Variants in KCNH8 observed in about 807,000 individuals in gnomAD.
KCNH8 encodes the protein voltage-gated delayed rectifier potassium channel KCNH8.
Under a neutral mutation model 103.6 loss-of-function variants are expected in KCNH8, and 70 were observed. That is an observed-to-expected ratio of 0.68 (90% CI 0.56 to 0.82). KCNH8 has a LOEUF of 0.82. Ranked by LOEUF, KCNH8 falls within the 40% of genes least tolerant of loss-of-function variation. The pLI, the probability that KCNH8 is intolerant of heterozygous loss-of-function variation, is 0.00. For missense variants in KCNH8, 1,217 were observed against 1,329.9 expected (o/e 0.92, Z 1.32); for synonymous variants, 498 against 489.4 (o/e 1.02, Z -0.23).
At chr3:19,155,439 A>G (rs2063171613) in intron 1 of KCNH8, among the ~76,000 whole-genome samples, 1 of 151,992 alleles carries the variant, frequency 6.6e-6, no homozygotes, top group South Asian at 2.1e-4. Flanking sequence ...TTCTACTCCC[A>G]CTTGTTCAGT....
intron 7 of KCNH8, among the ~76,000 whole-genome samples, chr3:19,407,598 T>A (rs1421089987): frequency 6.6e-6 from 1 of 152,000 alleles, no homozygotes; most frequent in African/African-American, 2.4e-5. Context: ...ACTTGTCTGA[T>A]TCAACAGCCC....
chr3:19,377,572 G>A (rs2066227608), intron 5 of KCNH8, among the ~76,000 whole-genome samples: 1 of 152,182 alleles, frequency 6.6e-6, no homozygotes, highest in Non-Finnish European at 1.5e-5. Context: ...ATACAGAGGT[G>A]ACCTCAACGG....
chr3:19,262,898 T>C (rs1174013680), intron 2 of KCNH8, among the ~76,000 whole-genome samples: 2 of 151,988 alleles, frequency 1.3e-5, no homozygotes, highest in African/African-American at 4.8e-5. Flanking sequence ...CAAAACAAAA[T>C]TATCTTCTCA....
chr3:19,380,370 A>G (rs1052394295), intron 5 of KCNH8, among the ~76,000 whole-genome samples: 1 of 152,144 alleles, frequency 6.6e-6, no homozygotes, highest in African/African-American at 2.4e-5. Flanking sequence ...TTACTTCCTG[A>G]GGCACATTTT....
At chr3:19,215,340 T>A (rs58432712) in intron 1 of KCNH8, among the ~76,000 whole-genome samples, 5,911 of 152,240 alleles carry the variant, frequency 0.039, 409 homozygotes, top group African/African-American at 0.13. Flanking sequence ...ACACTAGCAC[T>A]TATTGGGGAA....
intron 11 of KCNH8, among the ~76,000 whole-genome samples, chr3:19,457,702 T>C (rs1010656544): frequency 2.6e-5 from 4 of 151,986 alleles, no homozygotes; most frequent in African/African-American, 7.2e-5. Flanking sequence ...CTTTATATGC[T>C]GTCTTGAGCT....
At chr3:19,318,513 A>C (rs961698157) in intron 3 of KCNH8, among the ~76,000 whole-genome samples, 6 of 151,718 alleles carry the variant, frequency 4.0e-5, no homozygotes, top group African/African-American at 1.2e-4. Flanking sequence ...TTATGAGTAA[A>C]AACATACAAT....
rs1482326341 is a variant in KCNH8, at chr3:19,363,581, TCTC to T, written c.811+15620_811+15622del. Among the ~76,000 whole-genome samples the T allele has an allele frequency of 5.9e-5, 9 of 152,260 alleles. No homozygotes were observed. In the South Asian group the frequency reaches 6.2e-4, roughly 11 times the overall value. ...TTGCTTCAAAAAACTTTTCTCCAAA[TCTC>T]CTCTTTATTGTGCATAACCTATATA... is the stretch of plus-strand genomic sequence containing the variant. On this transcript the variant is annotated intron_variant, in intron 5 of 15. Transcript: ENST00000328405.
intron 3 of KCNH8, among the ~76,000 whole-genome samples, chr3:19,290,209 C>G (rs2064898280): frequency 6.6e-6 from 1 of 152,060 alleles, no homozygotes; most frequent in Non-Finnish European, 1.5e-5. Context: ...CAATTTGACT[C>G]CCTTTTTCCT....
At chr3:19,238,561 A>T (rs1288179113) in intron 1 of KCNH8, among the ~76,000 whole-genome samples, 1 of 152,218 alleles carries the variant, frequency 6.6e-6, no homozygotes. Context: ...CATGCTGAGG[A>T]AATACATTTT....
rs574926395 is a variant in KCNH8, at chr3:19,158,719, T to G, written c.76+9924T>G. On this transcript the variant is annotated intron_variant, in intron 1 of 15. Coordinates refer to ENST00000328405, the MANE Select transcript of KCNH8 (RefSeq NM_144633.3). ...TTCTAATTCAATCATGTTTGTTTAC[T>G]TGAAGGAAATTAACTTCTATATGTT... 9.9e-3 allele frequency among the ~76,000 whole-genome samples: 1,507 copies of G among 152,058 alleles called. 27 individuals are homozygous for G. Among genetic ancestry groups the G allele is most frequent in the African/African-American group, 0.034 (1,395 of 41,554 alleles).
At chr3:19,235,262 G>A (rs1032041489) in intron 1 of KCNH8, among the ~76,000 whole-genome samples, 1 of 152,132 alleles carries the variant, frequency 6.6e-6, no homozygotes, top group Non-Finnish European at 1.5e-5. Flanking sequence ...AAGTTCATCG[G>A]GAGGGGGTAA....
Position 19,450,088 on chromosome 3 carries a change from CTG to C in KCNH8, c.1376-14_1376-13del. On this transcript the variant is annotated splice_polypyrimidine_tract_variant and intron_variant, in intron 8 of 15. Transcript: ENST00000328405. The stretch of plus-strand genomic sequence containing the variant: ...TGTCACATTTCTCTTCCATTATATA[CTG>C]TGTTGTTCTTTCTAGCCTTGATGCA... The C allele has an allele frequency of 6.2e-7, 1 of 1,606,508 alleles. No homozygotes were observed. Among genetic ancestry groups the C allele is most frequent in the Non-Finnish European group, 8.5e-7 (1 of 1,173,946 alleles).
At chr3:19,407,255 T>C (rs1188990457) in intron 7 of KCNH8, among the ~76,000 whole-genome samples, 1 of 152,152 alleles carries the variant, frequency 6.6e-6, no homozygotes, top group Non-Finnish European at 1.5e-5. Flanking sequence ...AATCTAAGTG[T>C]AGTTTTTTTC....
chr3:19,227,605 G>A (rs57735869), intron 1 of KCNH8, among the ~76,000 whole-genome samples: 5,948 of 152,244 alleles, frequency 0.039, 411 homozygotes, highest in African/African-American at 0.13. Flanking sequence ...AGACATATCA[G>A]CTACCTATGG....
rs569060357 is a variant in KCNH8, at chr3:19,281,049, G to A, written c.311-149G>A. 8.4e-6 allele frequency: 6 copies of A among 712,992 alleles called. No homozygotes were observed. In the South Asian group the frequency reaches 1.1e-4, roughly 12 times the overall value. The allele number at this position is 712,992 out of a possible 1,614,324, so 44.2% of individuals were successfully genotyped here. A position where few individuals can be genotyped will look rare whatever the true frequency, so the allele number is the denominator to read the frequency against. ...AGATGTATATAGGATAGAAATTTAT[G>A]GAACCTGAAAACTGACATTTTTAAG... On this transcript the variant is annotated intron_variant, in intron 2 of 15. Transcript: ENST00000328405.
intron 1 of KCNH8, among the ~76,000 whole-genome samples, chr3:19,172,526 ATTG>A (rs1338686687): frequency 1.2e-4 from 18 of 152,142 alleles, no homozygotes; most frequent in Admixed American, 1.2e-3. Context: ...CATTACCAGC[ATTG>A]TTGTTTTCAT....
At position 19,395,324 on chromosome 3, in the gene KCNH8, A is replaced by C. The variant is rs762050179; in HGVS notation, c.1177+13A>C. 1.6e-5 allele frequency: 25 copies of C among 1,570,572 alleles called. No homozygotes were observed. Among genetic ancestry groups the C allele is most frequent in the Non-Finnish European group, 2.0e-5 (23 of 1,146,634 alleles). ...AAGTGGGAAGTTGGTAAGGGCTTAC[A>C]TTTGTCACATTTTCCATTTTTTAAT... is the stretch of plus-strand genomic sequence containing the variant. On this transcript the variant is annotated intron_variant, in intron 7 of 15. Coordinates refer to ENST00000328405, the MANE Select transcript of KCNH8 (RefSeq NM_144633.3).
At chr3:19,490,064 C>T (rs1033711834) in intron 11 of KCNH8, among the ~76,000 whole-genome samples, 4 of 152,208 alleles carry the variant, frequency 2.6e-5, no homozygotes, top group Non-Finnish European at 5.9e-5. Context: ...TCTGACGAGG[C>T]GTTCCACCAG....
Sources: gnomAD v4.1 joint callset for allele counts (sites outside exome capture counted in the v4.1 genomes callset) on GRCh38, gnomAD v4.1.1 for gene constraint, MANE v1.5 for transcripts, NCBI Gene and HGNC (gene_info 2026-07-23, HGNC 2026-07-21) for gene names.